Variants in ZNF805 observed in about 807,000 individuals in gnomAD.
ZNF805 encodes CTC-444N24.8.
Under a neutral mutation model 13.6 loss-of-function variants are expected in ZNF805, and 7 were observed. That is an observed-to-expected ratio of 0.51 (90% CI 0.29 to 0.97). The LOEUF (loss-of-function observed/expected upper bound fraction) is 0.97, where lower values mean the gene tolerates loss of function less well. ZNF805 is among the 50% of genes least tolerant of loss of function. The pLI is 0.08. For synonymous variants in ZNF805, 293 were observed against 279.8 expected, an observed-to-expected ratio of 1.05 and a Z score of -0.47; for missense variants, 604 against 771.0, an observed-to-expected ratio of 0.78 and a Z score of 2.57.
chr19:57,253,126 T>A lies in ZNF805; in HGVS notation c.307T>A (p.Ser103Thr). The A allele has an allele frequency of 6.6e-7, 1 of 1,517,434 alleles. No homozygotes were observed. Among genetic ancestry groups the A allele is most frequent in the Non-Finnish European group, 8.8e-7 (1 of 1,136,528 alleles). 94.0% of individuals were successfully genotyped at this position (1,517,434 alleles called of 1,614,324 possible). ...ACCTACCACCTGTGAGCTAGCCTTG[T>A]CTGAAGGAATCTCTTTTTGGGGACA... ...TEPTTCELAL[S>T]EGISFWGQLT... The change falls in exon 4 of 4, where the codon TCT becomes ACT. Residue 103 changes from serine (S) to threonine (T), a missense_variant. Ser to Thr is a moderately conservative substitution (Grantham distance 58). Around this residue, in one of 3 missense-constraint regions of ZNF805, gnomAD observed 327 missense variants for 378.2 expected, o/e 0.86. Transcript: ENST00000414468. The surrounding 1 kb of genome is among the most constrained non-coding windows in gnomAD (Gnocchi z 4.4).
chr19:57,245,513 C>T (rs1310346097), intron 2 of ZNF805, among the ~76,000 whole-genome samples: 1 of 152,144 alleles, frequency 6.6e-6, no homozygotes, highest in Non-Finnish European at 1.5e-5. Flanking sequence ...GGTGCGATAG[C>T]TCATGCCTGT....
chr19:57,241,018 GTAGTT>G, intron 1 of ZNF805, 97 bp downstream of exon 1: 1 of 1,381,246 alleles, frequency 7.2e-7, no homozygotes, highest in Non-Finnish European at 9.9e-7. Context: ...ATTCCTCTTT[GTAGTT>G]TTGTTTGTTT....
In ZNF805 at chr19:57,262,350, G is replaced by GA. The variant is rs55937732; in HGVS notation, c.*7660dup. On this transcript the variant is annotated 3_prime_UTR_variant, in exon 4 of 4. Transcript: ENST00000414468. ...TATACGTGTAAACCATTGTAACCAA[G>GA]AAAAAAAAAAAAAGTCAGAGTCACA... is the stretch of plus-strand genomic sequence containing the variant. 1,084 of 154,510 alleles carry GA rather than the reference G, an allele frequency of 7.0e-3. 7 individuals are homozygous for GA. The highest frequency in any genetic ancestry group is 3.2e-3 in the Non-Finnish European group (211 of 65,650). 9.6% of individuals were successfully genotyped at this position (154,510 alleles called of 1,614,324 possible).
rs2087715132 is a variant in ZNF805, at chr19:57,260,119, G to T, written c.*5416G>T. On this transcript the variant is annotated 3_prime_UTR_variant, in exon 4 of 4. Coordinates refer to ENST00000414468, the MANE Select transcript of ZNF805 (RefSeq NM_001023563.4). The stretch of plus-strand genomic sequence containing the variant: ...TTGTTATATCCTCAATGGAGAAGGG[G>T]TCATTCCTTTTCTAAGATCACTCTT... Among the ~76,000 whole-genome samples the T allele has an allele frequency of 6.6e-6, 1 of 152,162 alleles. No homozygotes were observed. Among genetic ancestry groups the T allele is most frequent in the Non-Finnish European group, 1.5e-5 (1 of 68,030 alleles).
At chr19:57,248,818 C>A (rs1276828136) in intron 3 of ZNF805, 118 bp downstream of exon 3, 2 of 927,306 alleles carry the variant, frequency 2.2e-6, no homozygotes, top group Non-Finnish European at 3.4e-6. Context: ...GGTTTGGGAG[C>A]CTTGGAGCCC....
At position 57,253,530 on chromosome 19, in the gene ZNF805, A is replaced by G; in HGVS notation, c.711A>G (p.Gly237=). The change falls in exon 4 of 4, where the codon GGA becomes GGG. Residue 237 remains glycine, a synonymous_variant. Coordinates refer to ENST00000414468, the MANE Select transcript of ZNF805 (RefSeq NM_001023563.4). This position sits in a 1 kb window ranked among gnomAD's most constrained non-coding sequence, Gnocchi z 4.4. ...GVKPYECTEC[G]KTFSKSTYLL... is the part of the protein sequence containing the mutation. The stretch of plus-strand genomic sequence containing the variant: ...AGCCCTATGAATGCACAGAGTGTGG[A>G]AAAACCTTTAGCAAGAGTACATACC... 1 of 1,612,674 alleles carries G rather than the reference A, an allele frequency of 6.2e-7. No homozygotes were observed. Among genetic ancestry groups the G allele is most frequent in the Non-Finnish European group, 8.5e-7 (1 of 1,179,262 alleles).
chr19:57,247,316 C>T (rs2087625390), intron 2 of ZNF805, among the ~76,000 whole-genome samples: 1 of 152,208 alleles, frequency 6.6e-6, no homozygotes, highest in Non-Finnish European at 1.5e-5. Context: ...GAGGATGAAT[C>T]CTCCAGCTCA....
intron 3 of ZNF805, among the ~76,000 whole-genome samples, chr19:57,250,357 C>A (rs926937322): frequency 6.6e-6 from 1 of 152,134 alleles, no homozygotes; most frequent in African/African-American, 2.4e-5. Flanking sequence ...CTCAGCCTTC[C>A]GAATAGCTGG....
chr19:57,253,052 T>G lies in ZNF805; in HGVS notation c.254-21T>G. On this transcript the variant is annotated intron_variant, in intron 3 of 3. Coordinates refer to ENST00000414468, the MANE Select transcript of ZNF805 (RefSeq NM_001023563.4). The surrounding 1 kb of genome is among the most constrained non-coding windows in gnomAD (Gnocchi z 4.4). ...TTTTTACATTACTAACAAGCCCTTC[T>G]GTGTGTTGGATTTCTTTCAGGTGAC... The G allele has an allele frequency of 7.0e-7, 1 of 1,418,454 alleles. No individual in the cohort carries two copies. The highest frequency in any genetic ancestry group is 9.2e-7 in the Non-Finnish European group (1 of 1,083,750). The allele number at this position is 1,418,454 out of a possible 1,614,324, so 87.9% of individuals were successfully genotyped here. A position where few individuals can be genotyped will look rare whatever the true frequency, so the allele number is the denominator to read the frequency against.
chr19:57,254,698 CTG>C lies in ZNF805; in HGVS notation c.1882_1883del (p.Ter628ArgfsTer17), dbSNP rs1568490637. ...AAGAGAAACCCCACAAGTGTCTTCA[CTG>C]TGAGAAAACCTTCTGTTGCCAAATG... ...YQRETPQVSS[L>X] On this transcript the variant is annotated frameshift_variant, in exon 4 of 4. Transcript: ENST00000414468. LOFTEE classifies it high-confidence loss of function. 4 of 1,604,158 alleles carry C rather than the reference CTG, an allele frequency of 2.5e-6. No individual in the cohort carries two copies. Among genetic ancestry groups the C allele is most frequent in the South Asian group, 2.2e-5 (2 of 89,654 alleles).
In ZNF805 at chr19:57,240,768, G is replaced by A; in HGVS notation, c.-124G>A. On this transcript the variant is annotated 5_prime_UTR_variant, in exon 1 of 4. Coordinates refer to ENST00000414468, the MANE Select transcript of ZNF805 (RefSeq NM_001023563.4). ...CGAACCGTGAGCCTCCCCGTAACGAGAGAGTTTGACTGTCAGCCAAGGTCA... is the reference window on the plus strand; with the variant it reads ...CGAACCGTGAGCCTCCCCGTAACGAAAGAGTTTGACTGTCAGCCAAGGTCA... The A allele has an allele frequency of 1.1e-6, 1 of 880,154 alleles. No individual in the cohort carries two copies. The allele number at this position is 880,154 out of a possible 1,614,324, so 54.5% of individuals were successfully genotyped here.
chr19:57,245,673 G>C (rs1282000684), intron 2 of ZNF805, among the ~76,000 whole-genome samples: 1 of 151,362 alleles, frequency 6.6e-6, no homozygotes, highest in Non-Finnish European at 1.5e-5. Flanking sequence ...CAGCTACTCG[G>C]GAGGCTGAGG....
intron 1 of ZNF805, 122 bp from the exon 2 acceptor site, chr19:57,243,801 G>GTA: frequency 7.2e-7 from 1 of 1,382,892 alleles, no homozygotes. Context: ...CTTCAGCCTG[G>GTA]TACAAAGTTA....
In ZNF805 at chr19:57,258,970, G is replaced by A. The variant is rs2087707180; in HGVS notation, c.*4267G>A. 6.6e-6 allele frequency among the ~76,000 whole-genome samples: 1 copy of A among 152,186 alleles called. No individual in the cohort carries two copies. The highest frequency in any genetic ancestry group is 2.4e-5 in the African/African-American group (1 of 41,436). ...GGTCTGCAGTTCTTTTAGTACTTGAGAAACATGTTTGTTCCTTCTGTCCGC... is the reference window on the plus strand; with the variant it reads ...GGTCTGCAGTTCTTTTAGTACTTGAAAAACATGTTTGTTCCTTCTGTCCGC... On this transcript the variant is annotated 3_prime_UTR_variant, in exon 4 of 4. Coordinates refer to ENST00000414468, the MANE Select transcript of ZNF805 (RefSeq NM_001023563.4).
Position 57,260,702 on chromosome 19 carries a change from C to T in ZNF805, c.*5999C>T, listed in dbSNP as rs2087718986. Among the ~76,000 whole-genome samples the T allele has an allele frequency of 6.6e-6, 1 of 152,186 alleles. No individual in the cohort carries two copies. The highest frequency in any genetic ancestry group is 6.5e-5 in the Admixed American group (1 of 15,272). On this transcript the variant is annotated 3_prime_UTR_variant, in exon 4 of 4. Coordinates refer to ENST00000414468, the MANE Select transcript of ZNF805 (RefSeq NM_001023563.4). The stretch of plus-strand genomic sequence containing the variant: ...ATTTGCGCTGAAGACACTTTACTCT[C>T]AATTATCTACAGTGTTTCCCTAAAT...
chr19:57,241,951 C>T (rs933241186), intron 1 of ZNF805, among the ~76,000 whole-genome samples: 1 of 152,218 alleles, frequency 6.6e-6, no homozygotes, highest in Non-Finnish European at 1.5e-5. Context: ...TAGACACCTA[C>T]TGAGTTGAGG....
Position 57,253,164 on chromosome 19 carries a change from A to G in ZNF805, c.345A>G (p.Gly115=). 1 of 1,553,256 alleles carries G rather than the reference A, an allele frequency of 6.4e-7. No individual in the cohort carries two copies. Among genetic ancestry groups the G allele is most frequent in the Non-Finnish European group, 8.7e-7 (1 of 1,150,420 alleles). ...GISFWGQLTQ[G]ASGDSQLGQP... is the part of the protein sequence containing the mutation. ...CTTTTTGGGGACAACTAACACAAGG[A>G]GCTTCAGGGGACTCCCAGTTGGGGC... Residue 115 remains glycine (G), a synonymous_variant, in exon 4 of 4, where the codon GGA becomes GGG. Coordinates refer to ENST00000414468, the MANE Select transcript of ZNF805 (RefSeq NM_001023563.4). The surrounding 1 kb of genome is among the most constrained non-coding windows in gnomAD (Gnocchi z 4.4).
At chr19:57,241,483 A>G (rs2087579561) in intron 1 of ZNF805, among the ~76,000 whole-genome samples, 1 of 152,160 alleles carries the variant, frequency 6.6e-6, no homozygotes, top group African/African-American at 2.4e-5. Context: ...AAAGCTGCTT[A>G]ATAATTGCTT....
intron 2 of ZNF805, among the ~76,000 whole-genome samples, chr19:57,245,135 G>T (rs1196659432): frequency 6.6e-6 from 1 of 152,140 alleles, no homozygotes; most frequent in African/African-American, 2.4e-5. Context: ...CAACCTTCAC[G>T]TCCTTCAATC....
Sources: allele counts gnomAD v4.1 joint callset (sites outside exome capture counted in the v4.1 genomes callset), GRCh38; gene constraint gnomAD v4.1.1; regional missense constraint gnomAD v4.1.1; non-coding constraint Gnocchi (gnomAD v3.1); transcripts MANE v1.5; gene names NCBI Gene and HGNC (gene_info 2026-07-23, HGNC 2026-07-21).